LDHC: variants seen among roughly 807,000 people sequenced by gnomAD.
LDHC encodes the protein lactate dehydrogenase C, also known as L-lactate dehydrogenase C chain.
A neutral mutation model predicts 30.2 loss-of-function variants in LDHC; 20 were observed. The ratio of observed to expected loss-of-function variants is 0.66; its 90% CI spans 0.47 to 0.96. The LOEUF (loss-of-function observed/expected upper bound fraction) is 0.96, where lower values mean the gene tolerates loss of function less well. LDHC is among the 40% of genes least tolerant of loss of function. The pLI, the probability that LDHC is intolerant of heterozygous loss-of-function variation, is 0.00. For synonymous variants in LDHC, 139 were observed against 132.7 expected (o/e 1.05, Z -0.32); for missense variants, 362 against 394.9 (o/e 0.92, Z 0.71).
chr11:18,413,532 G>T (rs1417417598), intron 2 of LDHC, among the ~76,000 whole-genome samples: 2 of 148,260 alleles, frequency 1.3e-5, no homozygotes, highest in Non-Finnish European at 3.0e-5. Context: ...GCAGGATCTC[G>T]GCTCCCGGCA....
chr11:18,416,812 C>G (rs577310034), intron 3 of LDHC, among the ~76,000 whole-genome samples: 1 of 151,676 alleles, frequency 6.6e-6, no homozygotes, highest in Non-Finnish European at 1.5e-5. Flanking sequence ...TACTCACCTC[C>G]CCTACCCTCC....
intron 7 of LDHC, among the ~76,000 whole-genome samples, chr11:18,447,287 C>T (rs574631761): frequency 9.2e-5 from 14 of 152,108 alleles, no homozygotes; most frequent in Non-Finnish European, 1.8e-4. Context: ...GCACCCACCA[C>T]CACACCCGGC....
chr11:18,447,434 C>T (rs36043375), intron 7 of LDHC, among the ~76,000 whole-genome samples: 13,341 of 151,990 alleles, frequency 0.088, 665 homozygotes, highest in African/African-American at 0.13. Flanking sequence ...CACGGCCTGT[C>T]GATTTCTCTA....
intron 3 of LDHC, among the ~76,000 whole-genome samples, chr11:18,422,970 C>T (rs1848093607): frequency 6.8e-6 from 1 of 146,802 alleles, no homozygotes; most frequent in Non-Finnish European, 1.5e-5. Context: ...TGACATGTCT[C>T]AAAAAAACCA....
intron 6 of LDHC, among the ~76,000 whole-genome samples, chr11:18,442,192 C>A (rs750988079): frequency 3.0e-4 from 46 of 152,140 alleles, no homozygotes; most frequent in Non-Finnish European, 1.2e-4. Context: ...ATGCACAAAT[C>A]AATGGTTTCA....
intron 6 of LDHC, 34 bp from the exon 7 acceptor site, chr11:18,446,176 A>G: frequency 6.4e-7 from 1 of 1,561,362 alleles, no homozygotes; most frequent in Non-Finnish European, 8.8e-7. Flanking sequence ...TTGACTTATT[A>G]TGAATTTGAT....
chr11:18,422,842 G>T (rs988990623), intron 3 of LDHC, among the ~76,000 whole-genome samples: 3 of 151,590 alleles, frequency 2.0e-5, no homozygotes, highest in African/African-American at 7.3e-5. Flanking sequence ...AATTAGCTGG[G>T]CGTGTTGATG....
At chr11:18,441,299 C>T (rs535102678) in intron 6 of LDHC, among the ~76,000 whole-genome samples, 1 of 151,796 alleles carries the variant, frequency 6.6e-6, no homozygotes, top group South Asian at 2.1e-4. Flanking sequence ...ATATCAGTAT[C>T]TTCTTTAGAA....
rs1170972875 is a variant in LDHC at position 18,415,274 on chromosome 11, A to G, written c.217A>G (p.Ser73Gly). ...MDLQHGSLFF[S>G]TSKITSGKDY... ...TCTTCAGCATGGCAGTCTTTTCTTT[A>G]GTACTTCAAAGATTACTTCTGGAAA... is the stretch of plus-strand genomic sequence containing the variant. Residue 73 changes from serine to glycine, a missense_variant, in exon 3 of 8, where the codon AGT becomes GGT. Transcript: ENST00000541669. 1 of 1,579,636 alleles carries G rather than the reference A, an allele frequency of 6.3e-7. No individual in the cohort carries two copies. Among genetic ancestry groups the G allele is most frequent in the Non-Finnish European group, 8.7e-7 (1 of 1,150,306 alleles).
intron 6 of LDHC, among the ~76,000 whole-genome samples, chr11:18,444,191 T>C (rs1047291447): frequency 5.3e-5 from 8 of 152,206 alleles, no homozygotes; most frequent in African/African-American, 1.9e-4. Flanking sequence ...CTTTACCCTT[T>C]CTTTTACACC....
At chr11:18,444,705 T>C (rs1197897823) in intron 6 of LDHC, among the ~76,000 whole-genome samples, 1 of 145,904 alleles carries the variant, frequency 6.9e-6, no homozygotes, top group African/African-American at 2.5e-5. Context: ...TAAAACGGGG[T>C]AGTTGTAAGA....
Position 18,451,310 on chromosome 11 carries a change from C to A in LDHC, c.*183C>A. 2 of 450,638 alleles carry A rather than the reference C, an allele frequency of 4.4e-6. No individual in the cohort carries two copies. Among genetic ancestry groups the A allele is most frequent in the Non-Finnish European group, 7.7e-6 (2 of 260,146 alleles). The allele number at this position is 450,638 out of a possible 1,614,324, so 27.9% of individuals were successfully genotyped here. A position where few individuals can be genotyped will look rare whatever the true frequency, so the allele number is the denominator to read the frequency against. On this transcript the variant is annotated 3_prime_UTR_variant, in exon 8 of 8. Coordinates refer to ENST00000541669, the MANE Select transcript of LDHC (RefSeq NM_017448.5). ...TAAAGAGATTTTCCTCTTTAAGAAT[C>A]ATTTATAGCTCTATTCTAATGATAC...
intron 3 of LDHC, among the ~76,000 whole-genome samples, chr11:18,426,019 A>G (rs1446774685): frequency 9.3e-5 from 12 of 129,120 alleles, no homozygotes; most frequent in Non-Finnish European, 1.8e-4. Context: ...AACATCGTTG[A>G]TTAGCCACAA....
At chr11:18,427,651 A>G (rs1290716174) in intron 3 of LDHC, among the ~76,000 whole-genome samples, 1 of 151,122 alleles carries the variant, frequency 6.6e-6, no homozygotes, top group African/African-American at 2.4e-5. Context: ...TAAGACATAA[A>G]GCTAGTAAAG....
At chr11:18,441,800 T>A (rs1371109472) in intron 6 of LDHC, among the ~76,000 whole-genome samples, 1 of 151,894 alleles carries the variant, frequency 6.6e-6, no homozygotes, top group Non-Finnish European at 1.5e-5. Context: ...TAATCCCAGC[T>A]ATTTGGGAGG....
chr11:18,415,842 G>A (rs567539941), intron 3 of LDHC, among the ~76,000 whole-genome samples: 34 of 151,828 alleles, frequency 2.2e-4, no homozygotes, highest in African/African-American at 4.6e-4. Flanking sequence ...ACAGGCATGC[G>A]CTACCACACC....
At position 18,429,734 on chromosome 11, in the gene LDHC, T is replaced by C. The variant is rs752030705; in HGVS notation, c.245-3T>C. On this transcript the variant is annotated splice_polypyrimidine_tract_variant and splice_region_variant and intron_variant, in intron 3 of 7. Coordinates refer to ENST00000541669, the MANE Select transcript of LDHC (RefSeq NM_017448.5). Reference sequence around the variant, plus strand: ...CAAATATAGTATTTTGTTTCCTTTTTAGATTACAGTGTATCTGCAAACTCC... The same window carrying C: ...CAAATATAGTATTTTGTTTCCTTTTCAGATTACAGTGTATCTGCAAACTCC... 2 of 1,581,246 alleles carry C rather than the reference T, an allele frequency of 1.3e-6. No individual in the cohort carries two copies. The highest frequency in any genetic ancestry group is 1.7e-6 in the Non-Finnish European group (2 of 1,155,272).
intron 6 of LDHC, among the ~76,000 whole-genome samples, chr11:18,442,624 C>T (rs532813723): frequency 3.0e-4 from 46 of 151,382 alleles, no homozygotes; most frequent in African/African-American, 9.9e-4. Context: ...TATTGATACA[C>T]GCATTCAATC....
chr11:18,447,195 G>A (rs1848568020), intron 7 of LDHC, among the ~76,000 whole-genome samples: 1 of 147,872 alleles, frequency 6.8e-6, no homozygotes, highest in South Asian at 2.1e-4. Flanking sequence ...GTGCAGTCAT[G>A]CGATCTTGGC....
Sources: gnomAD v4.1 joint callset for allele counts (sites outside exome capture counted in the v4.1 genomes callset) on GRCh38, gnomAD v4.1.1 for gene constraint, MANE v1.5 for transcripts, NCBI Gene and HGNC (gene_info 2026-07-23, HGNC 2026-07-21) for gene names.